Variants in PLEKHO1 observed in about 807,000 individuals in gnomAD.
The protein encoded by PLEKHO1 is pleckstrin homology domain containing O1, also known as pleckstrin homology domain-containing family O member 1.
In PLEKHO1, 22 loss-of-function variants were observed where a neutral mutation model predicts 41.4. The observed-to-expected ratio is 0.53, with a 90% confidence interval of 0.38 to 0.76. The LOEUF (loss-of-function observed/expected upper bound fraction) is 0.76, where lower values mean the gene tolerates loss of function less well. Among genes scored for constraint, PLEKHO1 ranks in the 30% least tolerant of loss-of-function variants. PLEKHO1 has a pLI of 0.00. For synonymous variants in PLEKHO1, 225 were observed against 210.8 expected, an observed-to-expected ratio of 1.07 and a Z score of -0.58; for missense variants, 488 against 518.3, an observed-to-expected ratio of 0.94 and a Z score of 0.57.
intron 5 of PLEKHO1, among the ~76,000 whole-genome samples, chr1:150,158,318 C>T (rs1660262093): frequency 1.3e-5 from 2 of 152,076 alleles, no homozygotes; most frequent in African/African-American, 2.4e-5. Flanking sequence ...CAAACTAAAT[C>T]ACAGAAGAAG....
chr1:150,159,422 A>G lies in PLEKHO1; in HGVS notation c.1129A>G (p.Arg377Gly). 1.2e-6 allele frequency: 2 copies of G among 1,614,144 alleles called. No individual in the cohort carries two copies. The highest frequency in any genetic ancestry group is 1.7e-6 in the Non-Finnish European group (2 of 1,180,010). Residue 377 changes from arginine (R) to glycine (G), a missense_variant, in exon 6 of 6, where the codon AGG becomes GGG. Coordinates refer to ENST00000369124, the MANE Select transcript of PLEKHO1 (RefSeq NM_016274.6). ...SQAKRVLQEV[R>G]ELRDLYRQMD... ...GGCAAAGAGGGTGCTGCAGGAGGTC[A>G]GGGAGCTGAGAGACCTGTACAGACA... is the stretch of plus-strand genomic sequence containing the variant.
At position 150,159,120 on chromosome 1, in the gene PLEKHO1, TA is replaced by T. The variant is rs2101693881; in HGVS notation, c.828del (p.Ser277LeufsTer36). The T allele has an allele frequency of 6.2e-7, 1 of 1,612,426 alleles. No individual in the cohort carries two copies. Among genetic ancestry groups the T allele is most frequent in the African/African-American group, 1.3e-5 (1 of 74,656 alleles). ...KGRCASLEEI[L>X]SQRDAASART... ...CGCTGCGCCTCCCTGGAGGAGATCC[TA>T]TCTCAGCGGGATGCTGCCTCTGCCC... On this transcript the variant is annotated frameshift_variant, in exon 6 of 6. Coordinates refer to ENST00000369124, the MANE Select transcript of PLEKHO1 (RefSeq NM_016274.6). LOFTEE classifies it high-confidence loss of function.
chr1:150,151,791 T>C (rs1659945732), intron 2 of PLEKHO1, among the ~76,000 whole-genome samples: 1 of 152,254 alleles, frequency 6.6e-6, no homozygotes, highest in African/African-American at 2.4e-5. Flanking sequence ...GTCTACACTG[T>C]GTCAAGACCT....
chr1:150,151,847 G>A (rs1659949333), intron 2 of PLEKHO1, among the ~76,000 whole-genome samples: 2 of 152,098 alleles, frequency 1.3e-5, no homozygotes, highest in Admixed American at 1.3e-4. Flanking sequence ...TTTTCCCTAA[G>A]TCTTGGGATC....
At chr1:150,151,127 C>T in intron 2 of PLEKHO1, 69 bp downstream of exon 2, 1 of 1,561,630 alleles carries the variant, frequency 6.4e-7, no homozygotes, top group Non-Finnish European at 8.8e-7. Flanking sequence ...CAAGGGCTCG[C>T]CTAGCTTACT....
chr1:150,156,021 G>T (rs1553820304), intron 2 of PLEKHO1, 45 bp from the exon 3 acceptor site: 1 of 1,569,874 alleles, frequency 6.4e-7, no homozygotes, highest in Non-Finnish European at 8.7e-7. Context: ...GGGTGGAGGG[G>T]CTAAATAATT....
Position 150,150,923 on chromosome 1 carries a change from T to A in PLEKHO1, c.42T>A (p.Asp14Glu). The change falls in exon 2 of 6, where the codon GAT (aspartate) becomes GAA (glutamate). Residue 14 changes from aspartate (D) to glutamate (E), a missense_variant. Transcript: ENST00000369124. The stretch of plus-strand genomic sequence containing the variant: ...TTGTCCTGGGGCAGGGACCTCAGGA[T>A]GGAAACCAGCAGCCTGCACCGCCCG... ...KNNSAKRGPQ[D>E]GNQQPAPPEK... The A allele has an allele frequency of 6.2e-7, 1 of 1,613,890 alleles. No individual in the cohort carries two copies. Among genetic ancestry groups the A allele is most frequent in the Non-Finnish European group, 8.5e-7 (1 of 1,179,852 alleles).
rs1275566776 is a variant in PLEKHO1, at chr1:150,150,237, C to T, written c.-21C>T. 2 of 1,065,884 alleles carry T rather than the reference C, an allele frequency of 1.9e-6. No individual in the cohort carries two copies. The highest frequency in any genetic ancestry group is 2.3e-6 in the Non-Finnish European group (2 of 878,960). 66.0% of individuals were successfully genotyped at this position (1,065,884 alleles called of 1,614,324 possible). On this transcript the variant is annotated 5_prime_UTR_variant, in exon 1 of 6. Coordinates refer to ENST00000369124, the MANE Select transcript of PLEKHO1 (RefSeq NM_016274.6). ...CGGGGCCGCCCCTCGGCTCGCCGCC[C>T]CGCGCCCGCGCCCGCTGGGAATGAT... is the stretch of plus-strand genomic sequence containing the variant.
Position 150,157,475 on chromosome 1 carries a change from C to T in PLEKHO1, c.514C>T (p.Leu172=). ...HSRRPPTRGH[L]MAVASTSTSD... is the part of the protein sequence containing the mutation. Reference sequence around the variant, plus strand: ...CCGCCGCCCCCCAACAAGGGGACACCTAATGGCTGTGGTATGTAAGACTGT... The same window carrying T: ...CCGCCGCCCCCCAACAAGGGGACACTTAATGGCTGTGGTATGTAAGACTGT... The change falls in exon 5 of 6, where the codon CTA becomes TTA. Residue 172 remains leucine (L), a synonymous_variant. Transcript: ENST00000369124. The T allele has an allele frequency of 6.2e-7, 1 of 1,610,562 alleles. No homozygotes were observed. The highest frequency in any genetic ancestry group is 8.5e-7 in the Non-Finnish European group (1 of 1,176,756).
rs782177896 is a variant in PLEKHO1, at chr1:150,159,083, A to T, written c.790A>T (p.Thr264Ser). 6.2e-7 allele frequency: 1 copy of T among 1,614,004 alleles called. No individual in the cohort carries two copies. Among genetic ancestry groups the T allele is most frequent in the South Asian group, 1.1e-5 (1 of 91,064 alleles). Reference sequence around the variant, plus strand: ...CCAGGCACCCAAGAAGTTGACGCCCACAGAGAAAGGCCGCTGCGCCTCCCT... The same window carrying T: ...CCAGGCACCCAAGAAGTTGACGCCCTCAGAGAAAGGCCGCTGCGCCTCCCT... ...TPQAPKKLTP[T>S]EKGRCASLEE... Residue 264 changes from threonine to serine, a missense_variant, in exon 6 of 6, where the codon ACA (threonine) becomes TCA (serine). Thr to Ser is a moderately conservative substitution (Grantham distance 58). Coordinates refer to ENST00000369124, the MANE Select transcript of PLEKHO1 (RefSeq NM_016274.6).
chr1:150,155,389 G>A (rs1660122581), intron 2 of PLEKHO1: 1 of 152,280 alleles, frequency 6.6e-6, no homozygotes, highest in Non-Finnish European at 1.5e-5. Context: ...ACCTTAGAGG[G>A]AGGAGGAAAG....
At chr1:150,150,853 G>C in intron 1 of PLEKHO1, 59 bp from the exon 2 acceptor site, 21 of 1,531,462 alleles carry the variant, frequency 1.4e-5, no homozygotes, top group Non-Finnish European at 1.8e-5. Flanking sequence ...GAGACGGACG[G>C]AGAGGAAGCG....
At chr1:150,151,731 C>G (rs1372404182) in intron 2 of PLEKHO1, among the ~76,000 whole-genome samples, 1 of 152,104 alleles carries the variant, frequency 6.6e-6, no homozygotes, top group Non-Finnish European at 1.5e-5. Context: ...TTAAGAACCC[C>G]TGTATGTCTT....
Position 150,150,244 on chromosome 1 carries a change from C to T in PLEKHO1, c.-14C>T. On this transcript the variant is annotated 5_prime_UTR_variant, in exon 1 of 6. Transcript: ENST00000369124. Reference sequence around the variant, plus strand: ...GCCCCTCGGCTCGCCGCCCCGCGCCCGCGCCCGCTGGGAATGATGAAGAAG... The same window carrying T: ...GCCCCTCGGCTCGCCGCCCCGCGCCTGCGCCCGCTGGGAATGATGAAGAAG... 9.2e-7 allele frequency: 1 copy of T among 1,081,444 alleles called. No individual in the cohort carries two copies. Among genetic ancestry groups the T allele is most frequent in the Non-Finnish European group, 1.1e-6 (1 of 887,546 alleles). 67.0% of individuals were successfully genotyped at this position (1,081,444 alleles called of 1,614,324 possible). A position where few individuals can be genotyped will look rare whatever the true frequency, so the allele number is the denominator to read the frequency against.
chr1:150,150,294 G>T lies in PLEKHO1; in HGVS notation c.30+7G>T. On this transcript the variant is annotated splice_region_variant and intron_variant, in intron 1 of 5. Coordinates refer to ENST00000369124, the MANE Select transcript of PLEKHO1 (RefSeq NM_016274.6). Reference sequence around the variant, plus strand: ...GAACAATTCCGCCAAGCGGGTGAGTGCGCTTGCCCGCCCTGCGGCCGCCGC... The same window carrying T: ...GAACAATTCCGCCAAGCGGGTGAGTTCGCTTGCCCGCCCTGCGGCCGCCGC... 1 of 1,098,178 alleles carries T rather than the reference G, an allele frequency of 9.1e-7. No individual in the cohort carries two copies. The highest frequency in any genetic ancestry group is 1.1e-6 in the Non-Finnish European group (1 of 894,968). 68.0% of individuals were successfully genotyped at this position (1,098,178 alleles called of 1,614,324 possible). A position where few individuals can be genotyped will look rare whatever the true frequency, so the allele number is the denominator to read the frequency against.
chr1:150,159,627 T>C lies in PLEKHO1; in HGVS notation c.*104T>C. On this transcript the variant is annotated 3_prime_UTR_variant, in exon 6 of 6. Transcript: ENST00000369124. ...CTCAATCAAAAAAAGAAAACAAAAATGAACTCATTGCTCTTGCTGATGCCT... is the reference window on the plus strand; with the variant it reads ...CTCAATCAAAAAAAGAAAACAAAAACGAACTCATTGCTCTTGCTGATGCCT... 1.3e-6 allele frequency: 1 copy of C among 773,178 alleles called. No individual in the cohort carries two copies. Among genetic ancestry groups the C allele is most frequent in the East Asian group, 2.7e-5 (1 of 36,946 alleles). 47.9% of individuals were successfully genotyped at this position (773,178 alleles called of 1,614,324 possible). A position where few individuals can be genotyped will look rare whatever the true frequency, so the allele number is the denominator to read the frequency against.
At position 150,156,223 on chromosome 1, in the gene PLEKHO1, A is replaced by C; in HGVS notation, c.318+17A>C. 1.9e-6 allele frequency: 3 copies of C among 1,610,580 alleles called. No individual in the cohort carries two copies. Among genetic ancestry groups the C allele is most frequent in the Non-Finnish European group, 2.5e-6 (3 of 1,177,702 alleles). ...GGTAACACGGTATGTTTCTCCTGCCACCTTGGCTGCTGGAACATGGACAGG... is the reference window on the plus strand; with the variant it reads ...GGTAACACGGTATGTTTCTCCTGCCCCCTTGGCTGCTGGAACATGGACAGG... On this transcript the variant is annotated intron_variant, in intron 3 of 5. Transcript: ENST00000369124.
In PLEKHO1 at chr1:150,156,990, G is replaced by C. The variant is rs782745952; in HGVS notation, c.398G>C (p.Arg133Pro). ...AATGCCCTCAACTCTGCCATCACCC[G>C]AGCCAAGAACCGTATCTTGGATGAG... ...WINALNSAITRAKNRILDEVT... is the reference protein window; with the variant it reads ...WINALNSAITPAKNRILDEVT... The change falls in exon 4 of 6, where the codon CGA becomes CCA. Residue 133 changes from arginine (R) to proline (P), a missense_variant. Arg to Pro is a moderately radical substitution (Grantham distance 103, BLOSUM62 -2). Transcript: ENST00000369124. The C allele has an allele frequency of 5.0e-6, 8 of 1,612,060 alleles. No homozygotes were observed. The highest frequency in any genetic ancestry group is 8.5e-7 in the Non-Finnish European group (1 of 1,178,380).
In PLEKHO1 at chr1:150,151,015, A is replaced by C; in HGVS notation, c.134A>C (p.Tyr45Ser). ...GIFREIWKNR[Y>S]VVLKGDQLYI... ...TTCAGGGAGATTTGGAAAAACCGCT[A>C]TGTGGTGCTGAAAGGGGACCAGCTC... Residue 45 changes from tyrosine to serine, a missense_variant, in exon 2 of 6, where the codon TAT (tyrosine) becomes TCT (serine). Transcript: ENST00000369124. 1 of 1,614,134 alleles carries C rather than the reference A, an allele frequency of 6.2e-7. No individual in the cohort carries two copies. Among genetic ancestry groups the C allele is most frequent in the Non-Finnish European group, 8.5e-7 (1 of 1,179,992 alleles).
Sources: allele counts gnomAD v4.1 joint callset (sites outside exome capture counted in the v4.1 genomes callset), GRCh38; gene constraint gnomAD v4.1.1; transcripts MANE v1.5; gene names NCBI Gene and HGNC (gene_info 2026-07-23, HGNC 2026-07-21).